PAXBP1: variants seen among roughly 807,000 people sequenced by gnomAD.
PAXBP1 encodes PAX3 and PAX7 binding protein 1.
In PAXBP1, 44 loss-of-function variants were observed where a neutral mutation model predicts 119.9. That is an observed-to-expected ratio of 0.37 (90% CI 0.29 to 0.47). PAXBP1 has a LOEUF of 0.47. PAXBP1 is among the 20% of genes least tolerant of loss of function. The pLI, the probability that PAXBP1 is intolerant of heterozygous loss-of-function variation, is 0.99. For missense variants in PAXBP1, 898 were observed against 1,134.1 expected (o/e 0.79, Z 2.99); for synonymous variants, 393 against 406.6 (o/e 0.97, Z 0.40).
intron 1 of PAXBP1, among the ~76,000 whole-genome samples, chr21:32,770,673 G>A (rs1397802369): frequency 6.6e-6 from 1 of 152,158 alleles, no homozygotes; most frequent in Non-Finnish European, 1.5e-5. Context: ...ACTGCAGCCT[G>A]GCCTCCCACA....
intron 12 of PAXBP1, among the ~76,000 whole-genome samples, chr21:32,745,197 C>T (rs574378810): frequency 8.5e-5 from 13 of 152,274 alleles, no homozygotes; most frequent in African/African-American, 3.1e-4. Flanking sequence ...ACTAACATTT[C>T]TAGTATTTAA....
rs906001963 is a variant in PAXBP1 at position 32,734,360 on chromosome 21, C to G, written c.*590G>C. The G allele has an allele frequency of 3.3e-5, 5 of 152,900 alleles. No individual in the cohort carries two copies. Among genetic ancestry groups the G allele is most frequent in the African/African-American group, 1.2e-4 (5 of 41,424 alleles). 9.5% of individuals were successfully genotyped at this position (152,900 alleles called of 1,614,324 possible). A position where few individuals can be genotyped will look rare whatever the true frequency, so the allele number is the denominator to read the frequency against. On this transcript the variant is annotated 3_prime_UTR_variant, in exon 18 of 18. Transcript: ENST00000331923. ...ACATTAAACCCACATTTGACTCTAACGCTGATTCAAGGAAGAAAGTTCAAC... is the reference window on the plus strand; with the variant it reads ...ACATTAAACCCACATTTGACTCTAAGGCTGATTCAAGGAAGAAAGTTCAAC...
At position 32,751,105 on chromosome 21, in the gene PAXBP1, G is replaced by A. The variant is rs763264616; in HGVS notation, c.1607+14C>T. 3 of 1,613,406 alleles carry A rather than the reference G, an allele frequency of 1.9e-6. No homozygotes were observed. Among genetic ancestry groups the A allele is most frequent in the Admixed American group, 3.3e-5 (2 of 59,998 alleles). Reference sequence around the variant, plus strand: ...CCTTCCCAAACAAGCCAGAGCAAGGGTTTTGAGAATTACCTCCTGGCCTCC... The same window carrying A: ...CCTTCCCAAACAAGCCAGAGCAAGGATTTTGAGAATTACCTCCTGGCCTCC... On this transcript the variant is annotated intron_variant, in intron 9 of 17. Coordinates refer to ENST00000331923, the MANE Select transcript of PAXBP1 (RefSeq NM_016631.4).
chr21:32,742,157 G>A (rs1004549510), intron 15 of PAXBP1: 1 of 152,066 alleles, frequency 6.6e-6, no homozygotes, highest in Non-Finnish European at 1.5e-5. Context: ...CTTGATTTTG[G>A]TAGTGATAAC....
Position 32,751,123 on chromosome 21 carries a change from T to G in PAXBP1, c.1603A>C (p.Arg535=). The G allele has an allele frequency of 1.2e-6, 2 of 1,613,760 alleles. No homozygotes were observed. The highest frequency in any genetic ancestry group is 1.7e-6 in the Non-Finnish European group (2 of 1,179,636). ...AGCAAGGGTTTTGAGAATTACCTCCTGGCCTCCCGCTCTGCAATGCGACGT... is the reference window on the plus strand; with the variant it reads ...AGCAAGGGTTTTGAGAATTACCTCCGGGCCTCCCGCTCTGCAATGCGACGT... The part of the protein sequence containing the change: ...AKRRIAEREA[R]RTRRRQAREQ... Residue 535 remains arginine, a synonymous_variant, in exon 9 of 18, where the codon AGG becomes CGG. Transcript: ENST00000331923.
Position 32,771,710 on chromosome 21 carries a change from G to A in PAXBP1, c.-42C>T. 7.5e-7 allele frequency: 1 copy of A among 1,339,486 alleles called. No individual in the cohort carries two copies. Among genetic ancestry groups the A allele is most frequent in the Non-Finnish European group, 9.6e-7 (1 of 1,044,242 alleles). The allele number at this position is 1,339,486 out of a possible 1,614,324, so 83.0% of individuals were successfully genotyped here. A position where few individuals can be genotyped will look rare whatever the true frequency, so the allele number is the denominator to read the frequency against. ...GCGGTCGAATACTCGCTTCCACACC[G>A]CGGCCCCGGCAGCGCCGAGCTCGTG... On this transcript the variant is annotated 5_prime_UTR_variant, in exon 1 of 18. Coordinates refer to ENST00000331923, the MANE Select transcript of PAXBP1 (RefSeq NM_016631.4).
chr21:32,736,975 CTAATTCT>C (rs2043701541), intron 17 of PAXBP1, among the ~76,000 whole-genome samples: 1 of 152,132 alleles, frequency 6.6e-6, no homozygotes, highest in Admixed American at 6.5e-5. Context: ...TGAGACCTCT[CTAATTCT>C]TCAAAGAGGG....
chr21:32,760,041 G>T, intron 5 of PAXBP1, 47 bp from the exon 6 acceptor site: 2 of 1,461,464 alleles, frequency 1.4e-6, no homozygotes, highest in South Asian at 2.5e-5. Flanking sequence ...TTAAAACTTT[G>T]AAAATAATAA....
intron 7 of PAXBP1, 45 bp from the exon 8 acceptor site, chr21:32,755,398 CTTATT>C: frequency 6.3e-7 from 1 of 1,588,550 alleles, no homozygotes; most frequent in African/African-American, 1.4e-5. Context: ...TCCTCAGCTG[CTTATT>C]TATTTGAGGG....
chr21:32,770,219 G>C (rs1348701180), intron 1 of PAXBP1, among the ~76,000 whole-genome samples: 1 of 152,112 alleles, frequency 6.6e-6, no homozygotes, highest in Non-Finnish European at 1.5e-5. Context: ...TCATCTATTT[G>C]AGAGGGGAAA....
At chr21:32,749,674 T>G (rs1268079891) in intron 10 of PAXBP1, among the ~76,000 whole-genome samples, 1 of 152,072 alleles carries the variant, frequency 6.6e-6, no homozygotes, top group Non-Finnish European at 1.5e-5. Context: ...TATAAATTAT[T>G]CTTGGGGAAG....
At chr21:32,743,337 T>C in intron 14 of PAXBP1, 23 bp from the exon 15 acceptor site, 2 of 1,457,224 alleles carry the variant, frequency 1.4e-6, no homozygotes, top group Non-Finnish European at 1.9e-6. Flanking sequence ...AAGAGAAACA[T>C]ATCATGATCA....
At chr21:32,749,839 C>T (rs897753500) in intron 10 of PAXBP1, among the ~76,000 whole-genome samples, 2 of 152,084 alleles carry the variant, frequency 1.3e-5, no homozygotes, top group African/African-American at 4.8e-5. Flanking sequence ...GGCCTGGTCT[C>T]TTCAAAAATT....
intron 7 of PAXBP1, among the ~76,000 whole-genome samples, chr21:32,758,347 A>T (rs2044076891): frequency 6.6e-6 from 1 of 152,184 alleles, no homozygotes; most frequent in South Asian, 2.1e-4. Flanking sequence ...ATAAGGCTGC[A>T]AAGTCCACAA....
intron 2 of PAXBP1, among the ~76,000 whole-genome samples, chr21:32,765,352 C>G (rs928265386): frequency 3.3e-5 from 5 of 152,202 alleles, no homozygotes; most frequent in Non-Finnish European, 7.3e-5. Context: ...GGAGGCACCA[C>G]TACATCTTAA....
chr21:32,755,535 T>A, intron 7 of PAXBP1, 182 bp from the exon 8 acceptor site: 1 of 636,860 alleles, frequency 1.6e-6, no homozygotes, highest in Non-Finnish European at 2.5e-6. Flanking sequence ...CTTCTTCTTT[T>A]AATCCATGCA....
chr21:32,740,269 T>C (rs996591082), intron 15 of PAXBP1, among the ~76,000 whole-genome samples: 13 of 152,198 alleles, frequency 8.5e-5, no homozygotes, highest in African/African-American at 3.1e-4. Context: ...GGCCTTGCTT[T>C]GAGCTGTCTC....
intron 2 of PAXBP1, 78 bp from the exon 3 acceptor site, chr21:32,764,602 C>T (rs1478419943): frequency 8.6e-7 from 1 of 1,165,770 alleles, no homozygotes; most frequent in Non-Finnish European, 1.2e-6. Context: ...GTATTGACAT[C>T]ATTAAAAATT....
chr21:32,762,464 C>G, intron 3 of PAXBP1, 147 bp from the exon 4 acceptor site: 1 of 1,132,042 alleles, frequency 8.8e-7, no homozygotes, highest in South Asian at 1.7e-5. Flanking sequence ...TGTCTGCAAT[C>G]CAAAAGATTG....
Sources: allele counts gnomAD v4.1 joint callset (sites outside exome capture counted in the v4.1 genomes callset), GRCh38; gene constraint gnomAD v4.1.1; transcripts MANE v1.5; gene names NCBI Gene and HGNC (gene_info 2026-07-23, HGNC 2026-07-21).